Variants in SSH1 observed in about 807,000 individuals in gnomAD.
SSH1 encodes protein phosphatase Slingshot homolog 1.
A neutral mutation model predicts 79.7 loss-of-function variants in SSH1; 43 were observed. The ratio of observed to expected loss-of-function variants is 0.54; its 90% CI spans 0.42 to 0.70. The LOEUF is 0.70. SSH1 is among the 30% of genes least tolerant of loss of function. SSH1 has a pLI of 0.00. For synonymous variants in SSH1, 599 were observed against 538.3 expected (o/e 1.11, Z -1.56); for missense variants, 1,206 against 1,358.8 (o/e 0.89, Z 1.77).
chr12:108,792,256 G>A (rs1416802186), intron 14 of SSH1, 30 bp downstream of exon 14: 6 of 1,614,032 alleles, frequency 3.7e-6, no homozygotes, highest in African/African-American at 1.3e-5. Context: ...GGGATGGGGT[G>A]TGCCACCCTG....
chr12:108,787,899 A>G lies in SSH1; in HGVS notation c.*89T>C. 6.5e-7 allele frequency: 1 copy of G among 1,529,830 alleles called. No homozygotes were observed. 94.8% of individuals were successfully genotyped at this position (1,529,830 alleles called of 1,614,324 possible). A position where few individuals can be genotyped will look rare whatever the true frequency, so the allele number is the denominator to read the frequency against. On this transcript the variant is annotated 3_prime_UTR_variant, in exon 15 of 15. Coordinates refer to ENST00000326495, the MANE Select transcript of SSH1 (RefSeq NM_018984.4). ...GACTTCACTCGTTTAAGGGAAATCA[A>G]GATGTAAGGGGTCGATCCAAATCCA...
chr12:108,813,775 A>C lies in SSH1; in HGVS notation c.402-2447T>G, dbSNP rs1465526508. On this transcript the variant is annotated intron_variant, in intron 5 of 14. Transcript: ENST00000326495. ...AGGGGAGGGGAGGGGAGGGGAAGGGAAGGGAAGGGGAAGGGAAGGTGAAAG... is the reference window on the plus strand; with the variant it reads ...AGGGGAGGGGAGGGGAGGGGAAGGGCAGGGAAGGGGAAGGGAAGGTGAAAG... Among the ~76,000 whole-genome samples, 3 of 139,356 alleles carry C rather than the reference A, an allele frequency of 2.2e-5. No individual in the cohort carries two copies. The South Asian group carries it at 7.7e-4, about 36-fold the overall frequency. The allele number at this position is 139,356 out of a possible 152,430, so 91.4% of individuals were successfully genotyped here.
rs1419560921 is a variant in SSH1 at position 108,784,902 on chromosome 12, A to C, written c.*3086T>G. On this transcript the variant is annotated 3_prime_UTR_variant, in exon 15 of 15. Transcript: ENST00000326495. ...ATGAAAATGATAGTCATAAAAAACC[A>C]GTGACTTGCACAGCACAGACCCCTG... 6.6e-6 allele frequency: 1 copy of C among 152,282 alleles called. No individual in the cohort carries two copies. The highest frequency in any genetic ancestry group is 2.4e-5 in the African/African-American group (1 of 41,474). The allele number at this position is 152,282 out of a possible 1,614,324, so 9.4% of individuals were successfully genotyped here. A position where few individuals can be genotyped will look rare whatever the true frequency, so the allele number is the denominator to read the frequency against.
intron 3 of SSH1, among the ~76,000 whole-genome samples, chr12:108,821,326 C>T (rs1022996245): frequency 6.6e-6 from 1 of 151,216 alleles, no homozygotes; most frequent in Non-Finnish European, 1.5e-5. Context: ...CCCAGGAGGT[C>T]GAGGCTGCAG....
chr12:108,827,456 C>T (rs2038354217), intron 2 of SSH1: 4 of 1,301,736 alleles, frequency 3.1e-6, no homozygotes, highest in African/African-American at 3.0e-5. Flanking sequence ...AGTGCTTCCA[C>T]GAGGGCTGGG....
chr12:108,785,049 G>A lies in SSH1; in HGVS notation c.*2939C>T, dbSNP rs576624023. The A allele has an allele frequency of 6.6e-6, 1 of 152,340 alleles. No homozygotes were observed. Among genetic ancestry groups the A allele is most frequent in the Admixed American group, 6.5e-5 (1 of 15,298 alleles). The allele number at this position is 152,340 out of a possible 1,614,324, so 9.4% of individuals were successfully genotyped here. A position where few individuals can be genotyped will look rare whatever the true frequency, so the allele number is the denominator to read the frequency against. On this transcript the variant is annotated 3_prime_UTR_variant, in exon 15 of 15. Transcript: ENST00000326495. ...TTACAGTGCAAACTTCCTTTTCACA[G>A]ACAGCATGAATTCGTCTTTGCCCAG...
chr12:108,800,637 C>T lies in SSH1; in HGVS notation c.1148+143G>A, dbSNP rs1565979156. ...GTCCATCCCACATCAAGTCCACTCC[C>T]ACCAGCCAACTCCTGCGTCTGGAGT... On this transcript the variant is annotated intron_variant, in intron 12 of 14. Transcript: ENST00000326495. 6 of 976,682 alleles carry T rather than the reference C, an allele frequency of 6.1e-6. No individual in the cohort carries two copies. The South Asian group carries it at 7.1e-5, about 12-fold the overall frequency. The allele number at this position is 976,682 out of a possible 1,614,324, so 60.5% of individuals were successfully genotyped here.
chr12:108,788,931 G>A lies in SSH1; in HGVS notation c.2207C>T (p.Pro736Leu), dbSNP rs200582789. Residue 736 changes from proline to leucine, a missense_variant, in exon 15 of 15, where the codon CCA (proline) becomes CTA (leucine). By Grantham distance (98) the Pro-to-Leu change is moderately conservative (BLOSUM62 -3). Transcript: ENST00000326495. ...SGPGAGAALE[P>L]PASLLEPSRE... ...GGAAGGTTCCAAAAGGCTGGCTGGT[G>A]GCTCTAGGGCAGCTCCAGCCCCAGG... is the stretch of plus-strand genomic sequence containing the variant. 4.3e-6 allele frequency: 7 copies of A among 1,614,132 alleles called. No individual in the cohort carries two copies. In the East Asian group the frequency reaches 6.7e-5, roughly 15 times the overall value.
chr12:108,804,183 G>A (rs1376068045), intron 10 of SSH1, among the ~76,000 whole-genome samples: 4 of 152,236 alleles, frequency 2.6e-5, no homozygotes, highest in African/African-American at 9.6e-5. Flanking sequence ...AGCCTCCTGA[G>A]TAGCTGGGAC....
At position 108,857,505 on chromosome 12, in the gene SSH1, C is replaced by A; in HGVS notation, c.-9G>T. The A allele has an allele frequency of 8.8e-7, 1 of 1,131,680 alleles. No individual in the cohort carries two copies. 70.1% of individuals were successfully genotyped at this position (1,131,680 alleles called of 1,614,324 possible). ...AGGGTCACCAGGGCCATGGCTGCGG[C>A]GCGGTGCGAGGGCGCCACAGACGTC... On this transcript the variant is annotated 5_prime_UTR_variant, in exon 1 of 15. Coordinates refer to ENST00000326495, the MANE Select transcript of SSH1 (RefSeq NM_018984.4). The surrounding 1 kb of genome is among the most constrained non-coding windows in gnomAD (Gnocchi z 4.7).
intron 10 of SSH1, among the ~76,000 whole-genome samples, chr12:108,802,687 G>C (rs1160624776): frequency 6.6e-6 from 1 of 152,172 alleles, no homozygotes; most frequent in Non-Finnish European, 1.5e-5. Context: ...CAGTGGGGGG[G>C]GGTCCTGTAA....
chr12:108,812,864 CTTT>C (rs11320530), intron 5 of SSH1, among the ~76,000 whole-genome samples: 43 of 137,870 alleles, frequency 3.1e-4, no homozygotes, highest in African/African-American at 5.1e-4. Context: ...TTTTTCTTTT[CTTT>C]TTTTTTTTTT....
At chr12:108,812,531 G>A (rs1198956256) in intron 5 of SSH1, among the ~76,000 whole-genome samples, 1 of 152,268 alleles carries the variant, frequency 6.6e-6, no homozygotes, top group South Asian at 2.1e-4. Context: ...TAGGCCAGGG[G>A]CGGGGCCTTC....
intron 11 of SSH1, among the ~76,000 whole-genome samples, chr12:108,801,921 G>A (rs985332360): frequency 1.3e-5 from 2 of 152,160 alleles, no homozygotes; most frequent in Admixed American, 6.5e-5. Flanking sequence ...AAGTGGCCCA[G>A]GGATCAGGGT....
intron 8 of SSH1, 82 bp from the exon 9 acceptor site, chr12:108,806,476 G>T: frequency 8.0e-7 from 1 of 1,251,886 alleles, no homozygotes; most frequent in Non-Finnish European, 1.2e-6. Flanking sequence ...GATGCTCCTG[G>T]GTCTAAACAG....
rs555736928 is a variant in SSH1, at chr12:108,839,566, C to T, written c.110+13072G>A. On this transcript the variant is annotated intron_variant, in intron 2 of 14. Coordinates refer to ENST00000326495, the MANE Select transcript of SSH1 (RefSeq NM_018984.4). ...TGGCAAGTGCGTGCCAGGCCTGGACCAGGAATGACTTCTGTGGGCACAGGG... is the reference window on the plus strand; with the variant it reads ...TGGCAAGTGCGTGCCAGGCCTGGACTAGGAATGACTTCTGTGGGCACAGGG... Among the ~76,000 whole-genome samples, 4 of 152,284 alleles carry T rather than the reference C, an allele frequency of 2.6e-5. No homozygotes were observed. The East Asian group carries it at 7.7e-4, about 29-fold the overall frequency.
At chr12:108,854,925 G>C (rs907311336) in intron 1 of SSH1, among the ~76,000 whole-genome samples, 2 of 152,188 alleles carry the variant, frequency 1.3e-5, no homozygotes, top group East Asian at 1.9e-4. Flanking sequence ...ACATCTGAAC[G>C]AGGGCCTTGC....
chr12:108,811,685 T>C, intron 5 of SSH1: 1 of 385,566 alleles, frequency 2.6e-6, no homozygotes. Context: ...CTGTCCTGGG[T>C]GGCGGCAGGG....
chr12:108,823,069 T>C (rs547338897), intron 3 of SSH1, among the ~76,000 whole-genome samples, 189 bp downstream of exon 3: 9 of 152,282 alleles, frequency 5.9e-5, no homozygotes, highest in African/African-American at 1.4e-4. Flanking sequence ...AGACATGACA[T>C]AAAAGGTTGG....
Sources: gnomAD v4.1 joint callset for allele counts (sites outside exome capture counted in the v4.1 genomes callset) on GRCh38, gnomAD v4.1.1 for gene constraint, Gnocchi (gnomAD v3.1) non-coding constraint, MANE v1.5 for transcripts, NCBI Gene and HGNC (gene_info 2026-07-23, HGNC 2026-07-21) for gene names.